NAV2: variants seen among roughly 807,000 people sequenced by gnomAD.
The protein encoded by NAV2 is neuron navigator 2, also known as helicase, APC down-regulated 1.
Under a neutral mutation model 223.2 loss-of-function variants are expected in NAV2, and 54 were observed. That is an observed-to-expected ratio of 0.24 (90% CI 0.19 to 0.30). The LOEUF is 0.30. Among genes scored for constraint, NAV2 ranks in the 10% least tolerant of loss-of-function variants. The pLI is 1.00. For missense variants in NAV2, 2,806 were observed against 3,147.5 expected (o/e 0.89, Z 2.60); for synonymous variants, 1,279 against 1,239.3 (o/e 1.03, Z -0.67).
intron 11 of NAV2, among the ~76,000 whole-genome samples, chr11:19,999,074 T>C (rs530739635): frequency 1.3e-5 from 2 of 152,302 alleles, no homozygotes; most frequent in East Asian, 3.9e-4. Context: ...GTGCAAAATG[T>C]TTAAAACCAG....
At chr11:19,953,813 G>A (rs1043088646) in intron 10 of NAV2, among the ~76,000 whole-genome samples, 9 of 151,998 alleles carry the variant, frequency 5.9e-5, no homozygotes, top group African/African-American at 2.2e-4. Context: ...AGCTTGAAAA[G>A]AACAGGCAAG....
chr11:20,076,307 A>G (rs558740309), intron 22 of NAV2, among the ~76,000 whole-genome samples: 1 of 152,220 alleles, frequency 6.6e-6, no homozygotes, highest in Admixed American at 6.5e-5. Context: ...CAATCCTTTA[A>G]TTGCTCATCC....
intron 1 of NAV2, among the ~76,000 whole-genome samples, chr11:19,418,061 A>G (rs1171697394): frequency 4.6e-5 from 7 of 152,186 alleles, no homozygotes; most frequent in Non-Finnish European, 1.5e-5. Context: ...TGGCATGTGT[A>G]TACCTATGTA....
intron 22 of NAV2, among the ~76,000 whole-genome samples, chr11:20,076,728 A>ATTTT (rs2059779403): frequency 6.6e-6 from 1 of 152,216 alleles, no homozygotes; most frequent in Non-Finnish European, 1.5e-5. Flanking sequence ...GCAGTCAGGA[A>ATTTT]AATGCCACAT....
intron 1 of NAV2, among the ~76,000 whole-genome samples, chr11:19,671,382 G>A (rs2048567273): frequency 6.6e-6 from 1 of 152,132 alleles, no homozygotes; most frequent in South Asian, 2.1e-4. Flanking sequence ...CTTCAGCTAG[G>A]AATATGTCTT....
At chr11:19,806,733 A>G (rs2058585497) in intron 1 of NAV2, among the ~76,000 whole-genome samples, 1 of 152,226 alleles carries the variant, frequency 6.6e-6, no homozygotes, top group Non-Finnish European at 1.5e-5. Context: ...TAGAAAAAGC[A>G]ATGCTAGAGA....
intron 1 of NAV2, among the ~76,000 whole-genome samples, chr11:19,620,702 C>A (rs79087051): frequency 2.0e-5 from 3 of 152,130 alleles, no homozygotes; most frequent in African/African-American, 7.2e-5. Context: ...CATGTCATCT[C>A]CAAACAGGGA....
intron 1 of NAV2, among the ~76,000 whole-genome samples, chr11:19,484,635 G>T (rs2042384617): frequency 6.6e-6 from 1 of 152,170 alleles, no homozygotes; most frequent in Non-Finnish European, 1.5e-5. Context: ...CTCAGGAGGA[G>T]GCAGAAATAG....
chr11:19,750,365 C>G (rs1477914038), intron 1 of NAV2, among the ~76,000 whole-genome samples: 1 of 152,250 alleles, frequency 6.6e-6, no homozygotes. Context: ...TCTCTCACAA[C>G]TGCCATGTGT....
chr11:19,405,903 T>A (rs951667557), intron 1 of NAV2, among the ~76,000 whole-genome samples: 1 of 152,192 alleles, frequency 6.6e-6, no homozygotes, highest in Non-Finnish European at 1.5e-5. Context: ...CTAGGAGGGA[T>A]GTCATAGTCA....
intron 10 of NAV2, among the ~76,000 whole-genome samples, chr11:19,959,006 G>C (rs968840470): frequency 6.6e-6 from 1 of 152,218 alleles, no homozygotes; most frequent in Non-Finnish European, 1.5e-5. Flanking sequence ...TGATGTGGGG[G>C]CCAGTTACAC....
Position 19,723,506 on chromosome 11 carries a change from A to G in NAV2, c.267+9544A>G, listed in dbSNP as rs563143968. ...AGTCCCATATGAGCTACTGCTTTAG[A>G]TAATCAAACCTCCAGACCCTCCTCT... On this transcript the variant is annotated intron_variant, in intron 1 of 37. Coordinates refer to ENST00000349880, the MANE Select transcript of NAV2 (RefSeq NM_145117.5). Among the ~76,000 whole-genome samples, 5 of 152,324 alleles carry G rather than the reference A, an allele frequency of 3.3e-5. No individual in the cohort carries two copies. In the South Asian group the frequency reaches 1.0e-3, roughly 32 times the overall value.
chr11:19,934,289 C>T lies in NAV2; in HGVS notation c.2033+12C>T. ...CCTTTCCTGTACAGGTAGGAGCTGC[C>T]ACCCACCTGTGCTGCCTGGGACATT... On this transcript the variant is annotated intron_variant, in intron 7 of 37. Transcript: ENST00000349880. 6.4e-7 allele frequency: 1 copy of T among 1,559,532 alleles called. No individual in the cohort carries two copies. The highest frequency in any genetic ancestry group is 2.3e-5 in the East Asian group (1 of 44,332).
chr11:19,495,013 C>G (rs2042749422), intron 1 of NAV2, among the ~76,000 whole-genome samples: 1 of 152,164 alleles, frequency 6.6e-6, no homozygotes, highest in Non-Finnish European at 1.5e-5. Flanking sequence ...AACCCCCTGA[C>G]AGGAAAACTC....
chr11:19,454,888 G>A (rs951384977), intron 1 of NAV2, among the ~76,000 whole-genome samples: 3 of 152,142 alleles, frequency 2.0e-5, no homozygotes, highest in Non-Finnish European at 1.5e-5. Context: ...GTGTCTTCAG[G>A]GAGCAAAAAG....
chr11:19,704,022 G>C (rs77973177), intron 1 of NAV2, among the ~76,000 whole-genome samples: 17 of 151,472 alleles, frequency 1.1e-4, no homozygotes, highest in African/African-American at 3.1e-4. Context: ...GGTTTTTTTT[G>C]GGGGGGTGGA....
intron 12 of NAV2, among the ~76,000 whole-genome samples, chr11:20,036,508 G>C (rs1030463384): frequency 2.6e-5 from 4 of 152,212 alleles, no homozygotes; most frequent in African/African-American, 9.6e-5. Flanking sequence ...TAGGAGGATG[G>C]GGTGGAAATA....
intron 3 of NAV2, among the ~76,000 whole-genome samples, chr11:19,852,671 A>G (rs1284970091): frequency 6.6e-6 from 1 of 152,228 alleles, no homozygotes; most frequent in Non-Finnish European, 1.5e-5. Context: ...ACCATATTTT[A>G]TATGCTATTG....
chr11:19,895,110 T>A (rs866414671), intron 6 of NAV2, among the ~76,000 whole-genome samples: 1 of 112,284 alleles, frequency 8.9e-6, no homozygotes, highest in East Asian at 2.1e-4. Flanking sequence ...CTTTCTTTTT[T>A]TTTTTTTTTT....
Sources: gnomAD v4.1 joint callset for allele counts (sites outside exome capture counted in the v4.1 genomes callset) on GRCh38, gnomAD v4.1.1 for gene constraint, MANE v1.5 for transcripts, NCBI Gene and HGNC (gene_info 2026-07-23, HGNC 2026-07-21) for gene names.